Variants in HNRNPLL observed in about 807,000 individuals in gnomAD.
The protein encoded by HNRNPLL is heterogeneous nuclear ribonucleoprotein L-like.
In HNRNPLL, 25 loss-of-function variants were observed where a neutral mutation model predicts 67.1. The ratio of observed to expected loss-of-function variants is 0.37; its 90% CI spans 0.27 to 0.52. HNRNPLL has a LOEUF of 0.52. Ranked by LOEUF, HNRNPLL falls within the 20% of genes least tolerant of loss-of-function variation. HNRNPLL has a pLI of 0.90. For missense variants in HNRNPLL, 542 were observed against 673.9 expected (o/e 0.80, Z 2.17); for synonymous variants, 267 against 241.7 (o/e 1.10, Z -0.97).
At chr2:38,586,708 C>T (rs905466127) in intron 2 of HNRNPLL, among the ~76,000 whole-genome samples, 5 of 152,134 alleles carry the variant, frequency 3.3e-5, no homozygotes, top group African/African-American at 7.2e-5. Context: ...ATAATCTCCT[C>T]CAAAACATTT....
At chr2:38,581,840 G>C (rs2148358860) in intron 6 of HNRNPLL, 73 bp downstream of exon 6, 1 of 975,278 alleles carries the variant, frequency 1.0e-6, no homozygotes, top group East Asian at 2.4e-5. Flanking sequence ...CTCATCTCAG[G>C]AAAAAAGAAT....
chr2:38,576,024 A>T (rs560839219), intron 7 of HNRNPLL, among the ~76,000 whole-genome samples: 64 of 151,942 alleles, frequency 4.2e-4, no homozygotes, highest in Non-Finnish European at 7.4e-4. Context: ...CTATCAAAGA[A>T]TTTCACAATA....
rs777575250 is a variant in HNRNPLL at position 38,568,251 on chromosome 2, A to C, written c.1521T>G (p.Thr507=). The part of the protein sequence containing the change: ...LSGLLEWECK[T]DAVEALTALN... ...GTGCCGTAAGGGCTTCTACTGCATC[A>C]GTTTTGCACTCCCATTCTAATAGCC... The change falls in exon 12 of 13, where the codon ACT becomes ACG. Residue 507 remains threonine (T), a synonymous_variant. Coordinates refer to ENST00000449105, the MANE Select transcript of HNRNPLL (RefSeq NM_138394.4). 2 of 1,613,720 alleles carry C rather than the reference A, an allele frequency of 1.2e-6. No individual in the cohort carries two copies. Among genetic ancestry groups the C allele is most frequent in the South Asian group, 2.2e-5 (2 of 91,076 alleles).
At chr2:38,582,589 C>T (rs1223565830) in intron 4 of HNRNPLL, among the ~76,000 whole-genome samples, 3 of 152,040 alleles carry the variant, frequency 2.0e-5, no homozygotes, top group African/African-American at 4.8e-5. Context: ...GGATCACAGA[C>T]GTGAGTCACT....
intron 7 of HNRNPLL, among the ~76,000 whole-genome samples, chr2:38,574,854 A>C (rs1222260183): frequency 2.0e-5 from 3 of 151,882 alleles, no homozygotes; most frequent in Non-Finnish European, 2.9e-5. Context: ...GCTGTTTAGT[A>C]ATTATTTTAG....
At chr2:38,565,909 G>A (rs1403264286) in intron 12 of HNRNPLL, 3 of 534,736 alleles carry the variant, frequency 5.6e-6, no homozygotes, top group Non-Finnish European at 7.2e-6. Context: ...ACACAGTTTT[G>A]AAAGCTAGAA....
At chr2:38,601,257 A>G (rs1445980686) in intron 1 of HNRNPLL, among the ~76,000 whole-genome samples, 1 of 152,206 alleles carries the variant, frequency 6.6e-6, no homozygotes, top group Non-Finnish European at 1.5e-5. Context: ...TTGCTCTCAC[A>G]TCCTGGTAAC....
At chr2:38,579,681 T>A (rs1342551810) in intron 6 of HNRNPLL, among the ~76,000 whole-genome samples, 2 of 151,810 alleles carry the variant, frequency 1.3e-5, no homozygotes, top group Admixed American at 1.3e-4. Flanking sequence ...TACACTAAAA[T>A]GTAATTCAAG....
chr2:38,573,421 T>C lies in HNRNPLL; in HGVS notation c.881A>G (p.His294Arg). Residue 294 changes from histidine to arginine, a missense_variant, in exon 8 of 13, where the codon CAT becomes CGT. Coordinates refer to ENST00000449105, the MANE Select transcript of HNRNPLL (RefSeq NM_138394.4). Reference protein sequence around the residue: ...SSFRHDGYGSHGPLLPLPSRY... With the variant: ...SSFRHDGYGSRGPLLPLPSRY... ...ACTTGGTAAAGGCAATAATGGACCA[T>C]GGGATCCTATAAAAATGATCAAAAT... 1 of 1,598,656 alleles carries C rather than the reference T, an allele frequency of 6.3e-7. No homozygotes were observed. The highest frequency in any genetic ancestry group is 8.5e-7 in the Non-Finnish European group (1 of 1,169,764).
chr2:38,577,617 C>G (rs1463465768), intron 6 of HNRNPLL, 85 bp from the exon 7 acceptor site: 5 of 786,994 alleles, frequency 6.4e-6, no homozygotes, highest in Non-Finnish European at 1.1e-5. Flanking sequence ...CCATTCAAAA[C>G]ATCCAATACA....
At chr2:38,579,636 G>A (rs899960648) in intron 6 of HNRNPLL, among the ~76,000 whole-genome samples, 4 of 151,846 alleles carry the variant, frequency 2.6e-5, no homozygotes, top group Non-Finnish European at 5.9e-5. Flanking sequence ...TAAGATTTCT[G>A]GAGGGGTTCC....
chr2:38,598,902 A>G (rs139932076), intron 1 of HNRNPLL, among the ~76,000 whole-genome samples: 2,552 of 152,354 alleles, frequency 0.017, 45 homozygotes, highest in Non-Finnish European at 0.025. Flanking sequence ...CACTACTGCT[A>G]TGCAAGCCTC....
Position 38,597,927 on chromosome 2 carries a change from T to A in HNRNPLL, c.189+4511A>T, listed in dbSNP as rs536444131. 2.0e-5 allele frequency among the ~76,000 whole-genome samples: 3 copies of A among 152,076 alleles called. No individual in the cohort carries two copies. The South Asian group carries it at 6.2e-4, about 32-fold the overall frequency. On this transcript the variant is annotated intron_variant, in intron 1 of 12. Transcript: ENST00000449105. ...TGGTCTTGAACTCCTAACCTCGTGA[T>A]CCACCTGCCTCAGCCTCCCAAATTG... is the stretch of plus-strand genomic sequence containing the variant.
chr2:38,578,488 G>A (rs959066682), intron 6 of HNRNPLL, among the ~76,000 whole-genome samples: 1 of 152,082 alleles, frequency 6.6e-6, no homozygotes, highest in Admixed American at 6.6e-5. Context: ...TGAAAATTCA[G>A]AGAGCCTTTA....
chr2:38,582,737 T>A (rs1248276049), intron 4 of HNRNPLL, among the ~76,000 whole-genome samples: 1 of 152,004 alleles, frequency 6.6e-6, no homozygotes, highest in Admixed American at 6.6e-5. Flanking sequence ...CTGGCCAACA[T>A]GGTGAAGCCC....
In HNRNPLL at chr2:38,568,448, C is replaced by CA. The variant is rs1165692898; in HGVS notation, c.1417-6dup. 12 of 1,560,736 alleles carry CA rather than the reference C, an allele frequency of 7.7e-6. No homozygotes were observed. Among genetic ancestry groups the CA allele is most frequent in the Non-Finnish European group, 9.6e-6 (11 of 1,147,578 alleles). ...AACTTCATGGTCATTACACAACTGT[C>CA]AAAGAAAGTAAAACTTCATTAAAAA... On this transcript the variant is annotated splice_polypyrimidine_tract_variant and splice_region_variant and intron_variant, in intron 10 of 12. Transcript: ENST00000449105.
intron 12 of HNRNPLL, among the ~76,000 whole-genome samples, chr2:38,564,566 G>A (rs1054766791): frequency 7.6e-6 from 1 of 132,422 alleles, no homozygotes; most frequent in Non-Finnish European, 1.5e-5. Flanking sequence ...GTTGCAGCAA[G>A]CCAAGATTGT....
chr2:38,571,129 T>C (rs1242394747), intron 8 of HNRNPLL, among the ~76,000 whole-genome samples: 1 of 152,150 alleles, frequency 6.6e-6, no homozygotes, highest in East Asian at 1.9e-4. Context: ...AGATTAAACA[T>C]AGTATATACT....
chr2:38,569,300 T>G lies in HNRNPLL; in HGVS notation c.1249A>C (p.Ile417Leu). ...SKQHSVVPSQIFELEDGTSSY... is the reference protein window; with the variant it reads ...SKQHSVVPSQLFELEDGTSSY... Reference sequence around the variant, plus strand: ...CTGGTACCATCCTCCAGCTCAAATATTTGACTTGGAACAACTGAATGTTGT... The same window carrying G: ...CTGGTACCATCCTCCAGCTCAAATAGTTGACTTGGAACAACTGAATGTTGT... The change falls in exon 10 of 13, where the codon ATA (isoleucine) becomes CTA (leucine). Residue 417 changes from isoleucine to leucine, a missense_variant. Ile to Leu is a conservative substitution (Grantham distance 5, BLOSUM62 2). Transcript: ENST00000449105. 1.2e-6 allele frequency: 2 copies of G among 1,612,902 alleles called. No individual in the cohort carries two copies. Among genetic ancestry groups the G allele is most frequent in the Non-Finnish European group, 1.7e-6 (2 of 1,179,418 alleles).
Sources: gnomAD v4.1 joint callset for allele counts (sites outside exome capture counted in the v4.1 genomes callset) on GRCh38, gnomAD v4.1.1 for gene constraint, MANE v1.5 for transcripts, NCBI Gene and HGNC (gene_info 2026-07-23, HGNC 2026-07-21) for gene names.